Variants in GAL observed in about 807,000 individuals in gnomAD.
GAL encodes galanin peptides.
Under a neutral mutation model 15.8 loss-of-function variants are expected in GAL, and 14 were observed. That is an observed-to-expected ratio of 0.89 (90% confidence interval 0.59 to 1.39). GAL has a LOEUF of 1.39. GAL is among the 40% of genes most tolerant of loss of function. The probability of loss-of-function intolerance (pLI) is 0.00; values close to 1 mark genes in which losing one functional copy is unlikely to be tolerated. For synonymous variants in GAL, 79 were observed against 73.8 expected (o/e 1.07, Z -0.36); for missense variants, 176 against 170.4 (o/e 1.03, Z -0.18).
Position 68,685,668 on chromosome 11 carries a change from G to A in GAL, c.136+20G>A. On this transcript the variant is annotated intron_variant, in intron 3 of 5. Coordinates refer to ENST00000265643, the MANE Select transcript of GAL (RefSeq NM_015973.5). ...GCCCACGTAAGTGACTGACAGCATG[G>A]CCTCCCCACTCCTGACCCCACCTGC... 6.3e-7 allele frequency: 1 copy of A among 1,587,712 alleles called. No homozygotes were observed. Among genetic ancestry groups the A allele is most frequent in the Non-Finnish European group, 8.6e-7 (1 of 1,156,594 alleles).
intron 3 of GAL, among the ~76,000 whole-genome samples, chr11:68,686,723 C>T (rs546268823): frequency 9.9e-5 from 15 of 152,262 alleles, no homozygotes; most frequent in Admixed American, 2.6e-4. Flanking sequence ...CTCTCCCTGC[C>T]CATGGAGTGG....
At chr11:68,690,452 G>T (rs549123627) in intron 5 of GAL, among the ~76,000 whole-genome samples, 111 of 152,286 alleles carry the variant, frequency 7.3e-4, no homozygotes, top group African/African-American at 2.6e-3. Flanking sequence ...GAAGGAGACT[G>T]CCAGAGAAGG....
rs539486015 is a variant in GAL at position 68,689,172 on chromosome 11, G to A, written c.301+246G>A. Among the ~76,000 whole-genome samples, 6 of 152,014 alleles carry A rather than the reference G, an allele frequency of 3.9e-5. No homozygotes were observed. The South Asian group carries it at 1.2e-3, about 32-fold the overall frequency. On this transcript the variant is annotated intron_variant, in intron 5 of 5. Coordinates refer to ENST00000265643, the MANE Select transcript of GAL (RefSeq NM_015973.5). ...GCCATCGGGCCAGCGCTGGTCCCAG[G>A]AAGAGAGTGGGCCTCAGGGTGCAGC...
chr11:68,685,146 G>T, intron 2 of GAL, 142 bp downstream of exon 2: 1 of 627,164 alleles, frequency 1.6e-6, no homozygotes, highest in South Asian at 1.8e-5. Flanking sequence ...CCTGGCTGCG[G>T]GCGTCGCGGG....
At chr11:68,684,795 C>T (rs1016839592) in intron 1 of GAL, 63 bp downstream of exon 1, 11 of 609,830 alleles carry the variant, frequency 1.8e-5, no homozygotes, top group Non-Finnish European at 3.2e-5. Flanking sequence ...TTTCCTCTGC[C>T]CAGGGACGGT....
At chr11:68,686,483 G>GC (rs911447205) in intron 3 of GAL, among the ~76,000 whole-genome samples, 65 of 152,328 alleles carry the variant, frequency 4.3e-4, no homozygotes, top group African/African-American at 1.5e-3. Flanking sequence ...CAAATGGGGA[G>GC]AATGGTGCTC....
chr11:68,685,631 GC>G lies in GAL; in HGVS notation c.120del (p.Tyr41ThrfsTer32), dbSNP rs1945844793. 1 of 1,613,010 alleles carries G rather than the reference GC, an allele frequency of 6.2e-7. No homozygotes were observed. Among genetic ancestry groups the G allele is most frequent in the South Asian group, 1.1e-5 (1 of 91,044 alleles). The stretch of plus-strand genomic sequence containing the variant: ...CGAGGCTGGACCCTGAACAGCGCGG[GC>G]TACCTGCTGGGCCCACGTAAGTGAC... ...EKRGWTLNSA[G>X]YLLGPHAVGN... On this transcript the variant is annotated frameshift_variant, in exon 3 of 6. Coordinates refer to ENST00000265643, the MANE Select transcript of GAL (RefSeq NM_015973.5). LOFTEE classifies it high-confidence loss of function.
intron 2 of GAL, 71 bp from the exon 3 acceptor site, chr11:68,685,523 G>T: frequency 9.5e-7 from 1 of 1,047,708 alleles, no homozygotes; most frequent in South Asian, 1.3e-5. Context: ...TGCCGGGAAA[G>T]CCTGGGTGCA....
intron 3 of GAL, among the ~76,000 whole-genome samples, chr11:68,685,891 C>T (rs1945848101): frequency 6.6e-6 from 1 of 152,168 alleles, no homozygotes; most frequent in South Asian, 2.1e-4. Context: ...CTCAAGTTCT[C>T]CTGGGCTTTC....
chr11:68,690,592 A>G (rs1250477190), intron 5 of GAL, among the ~76,000 whole-genome samples: 2 of 152,182 alleles, frequency 1.3e-5, no homozygotes, highest in African/African-American at 4.8e-5. Flanking sequence ...GGACTCTGCT[A>G]GATTTTTGTT....
Position 68,684,816 on chromosome 11 carries a change from C to A in GAL, c.-1+84C>A, listed in dbSNP as rs1474069807. 5 of 676,016 alleles carry A rather than the reference C, an allele frequency of 7.4e-6. No individual in the cohort carries two copies. In the East Asian group the frequency reaches 1.4e-4, roughly 19 times the overall value. The allele number at this position is 676,016 out of a possible 1,614,324, so 41.9% of individuals were successfully genotyped here. Reference sequence around the variant, plus strand: ...CTGCCCAGGGACGGTTCTGCCAGGGCCCTGGCCCGGCCGCCGCCTCTGCTC... The same window carrying A: ...CTGCCCAGGGACGGTTCTGCCAGGGACCTGGCCCGGCCGCCGCCTCTGCTC... On this transcript the variant is annotated intron_variant, in intron 1 of 5. Coordinates refer to ENST00000265643, the MANE Select transcript of GAL (RefSeq NM_015973.5).
In GAL at chr11:68,684,751, C is replaced by A. The variant is rs1040285467; in HGVS notation, c.-1+19C>A. On this transcript the variant is annotated intron_variant, in intron 1 of 5. Transcript: ENST00000265643. ...GCTCAAGGTACTACTGGCGCCGGGC[C>A]GACCCTGCGCCCCCGGGAGGCCTCC... The A allele has an allele frequency of 1.2e-5, 6 of 516,148 alleles. No homozygotes were observed. The highest frequency in any genetic ancestry group is 6.9e-6 in the Non-Finnish European group (2 of 290,742). 32.0% of individuals were successfully genotyped at this position (516,148 alleles called of 1,614,324 possible).
intron 4 of GAL, among the ~76,000 whole-genome samples, chr11:68,688,509 A>G (rs933234123): frequency 2.6e-5 from 4 of 152,212 alleles, no homozygotes; most frequent in Admixed American, 2.6e-4. Flanking sequence ...GGTGCCTGTC[A>G]TCCCAGCTAC....
intron 5 of GAL, among the ~76,000 whole-genome samples, chr11:68,689,425 C>T (rs1167536669): frequency 6.6e-6 from 1 of 151,422 alleles, no homozygotes; most frequent in African/African-American, 2.4e-5. Context: ...CTTCCTTCAT[C>T]TCACTCTGTC....
intron 2 of GAL, among the ~76,000 whole-genome samples, 177 bp downstream of exon 2, chr11:68,685,181 C>T (rs1283132429): frequency 6.6e-6 from 1 of 151,834 alleles, no homozygotes; most frequent in Non-Finnish European, 1.5e-5. Context: ...CCCTGGGATT[C>T]CCCCCGCGCG....
intron 5 of GAL, among the ~76,000 whole-genome samples, chr11:68,689,819 C>T (rs956987245): frequency 6.6e-6 from 1 of 152,252 alleles, no homozygotes; most frequent in Non-Finnish European, 1.5e-5. Context: ...GGCTCTGATC[C>T]TGGCTTCCAG....
chr11:68,684,561 C>T lies in GAL; in HGVS notation c.-172C>T, dbSNP rs903462944. On this transcript the variant is annotated 5_prime_UTR_variant, in exon 1 of 6. In the 5' UTR this introduces an upstream ATG that the reference lacks. Transcript: ENST00000265643. ...CGGCGGCCACACCGGGCGGCGGACA[C>T]GTGGAGGGACCCGGCCCGCGCCTTC... is the stretch of plus-strand genomic sequence containing the variant. 19 of 182,240 alleles carry T rather than the reference C, an allele frequency of 1.0e-4. No homozygotes were observed. Among genetic ancestry groups the T allele is most frequent in the Non-Finnish European group, 2.0e-4 (18 of 88,142 alleles). 11.3% of individuals were successfully genotyped at this position (182,240 alleles called of 1,614,324 possible).
chr11:68,686,206 C>A (rs1945851259), intron 3 of GAL, among the ~76,000 whole-genome samples: 1 of 152,170 alleles, frequency 6.6e-6, no homozygotes, highest in South Asian at 2.1e-4. Context: ...TGAGCCCTAG[C>A]CCTAGATGGG....
rs1325776108 is a variant in GAL, at chr11:68,688,866, A to G, written c.241A>G (p.Ile81Val). 3 of 1,559,140 alleles carry G rather than the reference A, an allele frequency of 1.9e-6. No individual in the cohort carries two copies. The highest frequency in any genetic ancestry group is 2.7e-6 in the Non-Finnish European group (3 of 1,129,918). ...TCTTCTAGGAAGCTTTGACAGGTCC[A>G]TACCTGAAAACAATATCATGCGCAC... ...DMKPGSFDRS[I>V]PENNIMRTII... Residue 81 changes from isoleucine to valine, a missense_variant, in exon 5 of 6, where the codon ATA (isoleucine) becomes GTA (valine). Transcript: ENST00000265643.
Sources: gnomAD v4.1 joint callset for allele counts (sites outside exome capture counted in the v4.1 genomes callset) on GRCh38, gnomAD v4.1.1 for gene constraint, MANE v1.5 for transcripts, NCBI Gene and HGNC (gene_info 2026-07-23, HGNC 2026-07-21) for gene names.